KCNQ1OT1: variants seen among roughly 807,000 people sequenced by gnomAD.
KCNQ1OT1 encodes KCNQ1 antisense RNA 2 (non-protein coding).
In KCNQ1OT1 at chr11:2,653,141, T is replaced by G; in HGVS notation, n.46854A>C. The G allele has an allele frequency of 2.5e-6, 1 of 398,708 alleles. No individual in the cohort carries two copies. Among genetic ancestry groups the G allele is most frequent in the Non-Finnish European group, 4.4e-6 (1 of 226,110 alleles). The allele number at this position is 398,708 out of a possible 1,614,324, so 24.7% of individuals were successfully genotyped here. On this transcript the variant is annotated non_coding_transcript_exon_variant, in exon 1 of 1. Transcript: ENST00000597346. This position sits in a 1 kb window ranked among gnomAD's most constrained non-coding sequence, Gnocchi z 5.3. Reference sequence around the variant, plus strand: ...GAGATGAGGACTTGCATCACAGCAGTAGAAAGCCAATGTCCCACCTTAGGA... The same window carrying G: ...GAGATGAGGACTTGCATCACAGCAGGAGAAAGCCAATGTCCCACCTTAGGA...
At position 2,659,388 on chromosome 11, in the gene KCNQ1OT1, T is replaced by G. The variant is rs1291690894; in HGVS notation, n.40607A>C. The G allele has an allele frequency of 2.5e-6, 1 of 398,534 alleles. No individual in the cohort carries two copies. The highest frequency in any genetic ancestry group is 2.1e-5 in the African/African-American group (1 of 48,658). The allele number at this position is 398,534 out of a possible 1,614,324, so 24.7% of individuals were successfully genotyped here. On this transcript the variant is annotated non_coding_transcript_exon_variant, in exon 1 of 1. Coordinates refer to ENST00000597346, the Ensembl canonical transcript of KCNQ1OT1. This position sits in a 1 kb window ranked among gnomAD's most constrained non-coding sequence, Gnocchi z 4.3. ...TTTTGCATCTGGCTTCTTTCACTGC[T>G]TAGCAAAATGCATTTGAGATTCATC... is the stretch of plus-strand genomic sequence containing the variant.
chr11:2,656,336 C>G (rs1356779589), exon 1 of KCNQ1OT1: 1 of 398,520 alleles, frequency 2.5e-6, no homozygotes, highest in African/African-American at 2.1e-5. Context: ...TGTGGGTCTC[C>G]AAATCTGCAC....
exon 1 of KCNQ1OT1, chr11:2,632,337 C>A (rs912179706): frequency 5.0e-6 from 2 of 398,158 alleles, no homozygotes; most frequent in Non-Finnish European, 8.9e-6. Context: ...AATTTTAATT[C>A]TTCCTTTCTA....
At chr11:2,699,882 G>A (rs1456607234) in exon 1 of KCNQ1OT1, 2 of 398,270 alleles carry the variant, frequency 5.0e-6, no homozygotes, top group Non-Finnish European at 8.9e-6. Context: ...AGGAGCCCCG[G>A]GGAGGACCAC....
chr11:2,656,446 T>A, exon 1 of KCNQ1OT1: 1 of 398,682 alleles, frequency 2.5e-6, no homozygotes, highest in Non-Finnish European at 4.4e-6. Context: ...GACTAAGTAA[T>A]GTCTGTGTGG....
chr11:2,690,778 G>C lies in KCNQ1OT1; in HGVS notation n.9217C>G. On this transcript the variant is annotated non_coding_transcript_exon_variant, in exon 1 of 1. Transcript: ENST00000597346. This position sits in a 1 kb window ranked among gnomAD's most constrained non-coding sequence, Gnocchi z 5.1. ...CTTAGGTGGATGTGGCCTGGCAGGG[G>C]GTCAGCAGGAGGGAGGTCCCTGTCT... The C allele has an allele frequency of 2.5e-6, 1 of 398,626 alleles. No individual in the cohort carries two copies. The highest frequency in any genetic ancestry group is 4.4e-6 in the Non-Finnish European group (1 of 226,082). 24.7% of individuals were successfully genotyped at this position (398,626 alleles called of 1,614,324 possible). A position where few individuals can be genotyped will look rare whatever the true frequency, so the allele number is the denominator to read the frequency against.
chr11:2,637,055 A>C (rs1047090690), exon 1 of KCNQ1OT1: 2 of 151,578 alleles, frequency 1.3e-5, no homozygotes, highest in Non-Finnish European at 2.9e-5. Flanking sequence ...TTTTTATTGC[A>C]TCTATTTGAT....
chr11:2,640,872 C>T (rs1429787274), exon 1 of KCNQ1OT1: 1 of 399,578 alleles, frequency 2.5e-6, no homozygotes, highest in Non-Finnish European at 4.4e-6. Flanking sequence ...CTTCTACTCT[C>T]TACCTCCATG....
chr11:2,671,960 G>A lies in KCNQ1OT1; in HGVS notation n.28035C>T, dbSNP rs142669363. ...TCTCTGTATCTGGGGTAGAAAGAGT[G>A]GGCTAAAAAGTCAGCTAGCACCCCT... On this transcript the variant is annotated non_coding_transcript_exon_variant, in exon 1 of 1. Transcript: ENST00000597346. This position sits in a 1 kb window ranked among gnomAD's most constrained non-coding sequence, Gnocchi z 4.7. The A allele has an allele frequency of 3.6e-4, 143 of 398,584 alleles. No individual in the cohort carries two copies. The highest frequency in any genetic ancestry group is 2.5e-3 in the East Asian group (70 of 28,056). The allele number at this position is 398,584 out of a possible 1,614,324, so 24.7% of individuals were successfully genotyped here.
exon 1 of KCNQ1OT1, chr11:2,631,846 G>A (rs892754637): frequency 1.0e-5 from 4 of 398,402 alleles, no homozygotes; most frequent in African/African-American, 8.2e-5. Flanking sequence ...ATAGAGTTGT[G>A]TTAATAATAT....
chr11:2,667,720 TC>T, exon 1 of KCNQ1OT1: 1 of 398,680 alleles, frequency 2.5e-6, no homozygotes, highest in Non-Finnish European at 4.4e-6. Flanking sequence ...GGAAGCCGTG[TC>T]CCCTTAAGTG....
rs1189168550 is a variant in KCNQ1OT1 at position 2,664,955 on chromosome 11, C to T, written n.35040G>A. On this transcript the variant is annotated non_coding_transcript_exon_variant, in exon 1 of 1. Transcript: ENST00000597346. The surrounding 1 kb of genome is among the most constrained non-coding windows in gnomAD (Gnocchi z 5.1). ...CCCAGAGAGGTGAGGTCACTATAGC[C>T]TTGATTACGGGAAGGTCCCTGGGGC... The T allele has an allele frequency of 1.0e-5, 4 of 398,498 alleles. No individual in the cohort carries two copies. The highest frequency in any genetic ancestry group is 1.8e-5 in the Non-Finnish European group (4 of 226,084). 24.7% of individuals were successfully genotyped at this position (398,498 alleles called of 1,614,324 possible).
chr11:2,661,874 T>A lies in KCNQ1OT1; in HGVS notation n.38121A>T. On this transcript the variant is annotated non_coding_transcript_exon_variant, in exon 1 of 1. Transcript: ENST00000597346. This position sits in a 1 kb window ranked among gnomAD's most constrained non-coding sequence, Gnocchi z 5.9. Reference sequence around the variant, plus strand: ...CCAGGCACAAGCTCCACTCCTCACCTGGCCCTGGGAGCTCACAGGCCTGGC... The same window carrying A: ...CCAGGCACAAGCTCCACTCCTCACCAGGCCCTGGGAGCTCACAGGCCTGGC... 7.7e-6 allele frequency: 12 copies of A among 1,553,664 alleles called. No individual in the cohort carries two copies. Among genetic ancestry groups the A allele is most frequent in the Non-Finnish European group, 9.8e-6 (11 of 1,127,294 alleles).
chr11:2,693,478 A>G (rs913347574), exon 1 of KCNQ1OT1: 1 of 398,566 alleles, frequency 2.5e-6, no homozygotes, highest in Admixed American at 4.4e-5. Flanking sequence ...AATTGCTACA[A>G]TTAGCAGGAG....
chr11:2,640,460 A>T (rs2133828626), exon 1 of KCNQ1OT1: 1 of 398,108 alleles, frequency 2.5e-6, no homozygotes, highest in Admixed American at 4.4e-5. Context: ...TAACTTCTTA[A>T]TTTTTTGTAG....
chr11:2,690,506 G>A lies in KCNQ1OT1; in HGVS notation n.9489C>T, dbSNP rs548326000. 1.0e-5 allele frequency: 4 copies of A among 398,658 alleles called. No individual in the cohort carries two copies. In the East Asian group the frequency reaches 1.4e-4, roughly 14 times the overall value. 24.7% of individuals were successfully genotyped at this position (398,658 alleles called of 1,614,324 possible). A position where few individuals can be genotyped will look rare whatever the true frequency, so the allele number is the denominator to read the frequency against. On this transcript the variant is annotated non_coding_transcript_exon_variant, in exon 1 of 1. Transcript: ENST00000597346. The surrounding 1 kb of genome is among the most constrained non-coding windows in gnomAD (Gnocchi z 5.1). Reference sequence around the variant, plus strand: ...ACTGGGCCCAGTCGGGGGGGTCTCAGCACCTATCACAAAGAAAGTGCCACT... The same window carrying A: ...ACTGGGCCCAGTCGGGGGGGTCTCAACACCTATCACAAAGAAAGTGCCACT...
In KCNQ1OT1 at chr11:2,679,594, T is replaced by C. The variant is rs1010109359; in HGVS notation, n.20401A>G. ...AATTCACAGTGCCTGACAAAGCTGA[T>C]GGGGAGGCGAGTTGGAATGAATAGT... On this transcript the variant is annotated non_coding_transcript_exon_variant, in exon 1 of 1. Coordinates refer to ENST00000597346, the Ensembl canonical transcript of KCNQ1OT1. The surrounding 1 kb of genome is among the most constrained non-coding windows in gnomAD (Gnocchi z 4.8). The C allele has an allele frequency of 7.5e-6, 3 of 398,586 alleles. No homozygotes were observed. The highest frequency in any genetic ancestry group is 1.3e-5 in the Non-Finnish European group (3 of 226,058). 24.7% of individuals were successfully genotyped at this position (398,586 alleles called of 1,614,324 possible).
At chr11:2,649,486 C>T (rs1849725165) in exon 1 of KCNQ1OT1, 1 of 398,506 alleles carries the variant, frequency 2.5e-6, no homozygotes. Context: ...AATGAATTCC[C>T]TCAGTTTTTG....
chr11:2,630,345 C>T (rs1849332834), exon 1 of KCNQ1OT1: 2 of 398,032 alleles, frequency 5.0e-6, no homozygotes, highest in East Asian at 7.1e-5. Context: ...AATGTATAGT[C>T]ATAAAAAAAT....
Sources: allele counts gnomAD v4.1 joint callset, GRCh38; gene constraint gnomAD v4.1.1; non-coding constraint Gnocchi (gnomAD v3.1); transcripts MANE v1.5; gene names NCBI Gene and HGNC (gene_info 2026-07-23, HGNC 2026-07-21).